Variants in ACTN1 observed in about 807,000 individuals in gnomAD.
ACTN1 encodes the protein actinin alpha 1.
In ACTN1, 30 loss-of-function variants were observed where a neutral mutation model predicts 119.6. The ratio of observed to expected loss-of-function variants is 0.25; its 90% CI spans 0.19 to 0.34. The LOEUF (loss-of-function observed/expected upper bound fraction) is 0.34, where lower values mean the gene tolerates loss of function less well. ACTN1 is among the 10% of genes least tolerant of loss of function. The pLI is 1.00. For missense variants in ACTN1, 764 were observed against 1,223.4 expected (o/e 0.62, Z 5.60); for synonymous variants, 429 against 472.6 (o/e 0.91, Z 1.20).
In ACTN1 at chr14:68,909,238, A is replaced by G. The variant is rs2033846592; in HGVS notation, c.594+80T>C. On this transcript the variant is annotated intron_variant, in intron 6 of 21. Transcript: ENST00000394419. This position sits in a 1 kb window ranked among gnomAD's most constrained non-coding sequence, Gnocchi z 4.1. Reference sequence around the variant, plus strand: ...TGCTCAGGCTGGACCATGGACTGTCACAACAAGGGTCCTAGTCCTGCTCTT... The same window carrying G: ...TGCTCAGGCTGGACCATGGACTGTCGCAACAAGGGTCCTAGTCCTGCTCTT... The G allele has an allele frequency of 5.0e-6, 7 of 1,397,142 alleles. No individual in the cohort carries two copies. The Admixed American group carries it at 1.2e-4, about 24-fold the overall frequency. 86.5% of individuals were successfully genotyped at this position (1,397,142 alleles called of 1,614,324 possible).
At chr14:68,891,970 A>C in intron 10 of ACTN1, 83 bp downstream of exon 10, 6 of 1,531,708 alleles carry the variant, frequency 3.9e-6, no homozygotes, top group Non-Finnish European at 5.3e-6. Context: ...CACCCCCATA[A>C]AGCTGAATTT....
chr14:68,933,448 T>A (rs755271179), intron 1 of ACTN1, among the ~76,000 whole-genome samples: 3 of 152,020 alleles, frequency 2.0e-5, no homozygotes, highest in Non-Finnish European at 2.9e-5. Flanking sequence ...CTCCCTGTAT[T>A]CTTATGCATT....
At chr14:68,933,669 C>T (rs1049162484) in intron 1 of ACTN1, among the ~76,000 whole-genome samples, 1 of 152,074 alleles carries the variant, frequency 6.6e-6, no homozygotes. Flanking sequence ...TGCCACACCT[C>T]CAATGAAGAA....
At chr14:68,929,022 TG>T (rs1345842943) in intron 1 of ACTN1, among the ~76,000 whole-genome samples, 1 of 151,556 alleles carries the variant, frequency 6.6e-6, no homozygotes, top group Non-Finnish European at 1.5e-5. Context: ...GGGAGAGGGC[TG>T]GAACTGTGGC....
intron 12 of ACTN1, 47 bp from the exon 13 acceptor site, chr14:68,884,930 A>C (rs2031866114): frequency 2.9e-4 from 419 of 1,453,362 alleles, no homozygotes; most frequent in Non-Finnish European, 3.7e-4. Context: ...GGTTAATTTC[A>C]TGGCCCATCT....
Position 68,879,955 on chromosome 14 carries a change from C to T in ACTN1, c.2280+7G>A. The T allele has an allele frequency of 6.2e-7, 1 of 1,613,908 alleles. No individual in the cohort carries two copies. Among genetic ancestry groups the T allele is most frequent in the Middle Eastern group, 1.7e-4 (1 of 6,060 alleles). On this transcript the variant is annotated splice_region_variant and intron_variant, in intron 18 of 21. Transcript: ENST00000394419. This position sits in a 1 kb window ranked among gnomAD's most constrained non-coding sequence, Gnocchi z 4.9. ...TGCACTAAGAAAGCACAGGATGGGG[C>T]TCTCACCCGGTCAAAGTGGTTGAAG...
At chr14:68,929,123 C>G (rs186091518) in intron 1 of ACTN1, among the ~76,000 whole-genome samples, 19 of 135,594 alleles carry the variant, frequency 1.4e-4, no homozygotes, top group Admixed American at 7.8e-4. Flanking sequence ...GGAACAGTGG[C>G]GTGGGTGCAG....
chr14:68,965,099 A>C (rs2036663209), intron 1 of ACTN1, among the ~76,000 whole-genome samples: 1 of 152,246 alleles, frequency 6.6e-6, no homozygotes. Context: ...ATAACTTCAG[A>C]AGATGGCTTA....
intron 1 of ACTN1, among the ~76,000 whole-genome samples, chr14:68,959,961 A>T (rs1404908935): frequency 2.6e-5 from 4 of 152,228 alleles, no homozygotes; most frequent in Non-Finnish European, 5.9e-5. Context: ...ATCGACATCC[A>T]TGTTGTATGT....
intron 1 of ACTN1, chr14:68,977,278 TACTC>T (rs1377327270): frequency 2.0e-5 from 3 of 152,278 alleles, no homozygotes; most frequent in Non-Finnish European, 4.4e-5. Flanking sequence ...ATCTCCAAAT[TACTC>T]ACTCACTTTT....
intron 2 of ACTN1, among the ~76,000 whole-genome samples, chr14:68,922,916 C>T (rs1360199813): frequency 2.0e-5 from 3 of 152,326 alleles, no homozygotes; most frequent in African/African-American, 7.2e-5. Context: ...TCCTTCTCCT[C>T]ATCCTGGGGC....
rs59595902 is a variant in ACTN1 at position 68,891,909 on chromosome 14, G to A, written c.1086+144C>T. The A allele has an allele frequency of 0.014, 14,953 of 1,100,474 alleles. 1,384 individuals are homozygous for A. In the African/African-American group the frequency reaches 0.2, roughly 15 times the overall value. The allele number at this position is 1,100,474 out of a possible 1,614,324, so 68.2% of individuals were successfully genotyped here. A position where few individuals can be genotyped will look rare whatever the true frequency, so the allele number is the denominator to read the frequency against. ...GAGCCTGGGTGGTAACTGGAAGGGG[G>A]AAGTGACTTCTGGAGCAGTGTATGT... On this transcript the variant is annotated intron_variant, in intron 10 of 21. Transcript: ENST00000394419.
At chr14:68,968,361 C>T (rs183602632) in intron 1 of ACTN1, among the ~76,000 whole-genome samples, 44 of 152,354 alleles carry the variant, frequency 2.9e-4, no homozygotes, top group South Asian at 2.7e-3. Context: ...TCAGCAGTCT[C>T]AGCCACAAAA....
chr14:68,922,581 A>G (rs1049736338), intron 2 of ACTN1, among the ~76,000 whole-genome samples: 1 of 152,232 alleles, frequency 6.6e-6, no homozygotes, highest in African/African-American at 2.4e-5. Flanking sequence ...AGCTAAGCGG[A>G]GTGCCCCAGC....
intron 1 of ACTN1, among the ~76,000 whole-genome samples, chr14:68,959,572 CA>C (rs1414164001): frequency 6.6e-6 from 1 of 152,152 alleles, no homozygotes; most frequent in Non-Finnish European, 1.5e-5. Context: ...GGTTGACTTA[CA>C]AAAACTAACC....
Position 68,890,253 on chromosome 14 carries a change from C to T in ACTN1, c.1120G>A (p.Val374Met). 6.2e-7 allele frequency: 1 copy of T among 1,614,240 alleles called. No homozygotes were observed. Among genetic ancestry groups the T allele is most frequent in the East Asian group, 2.2e-5 (1 of 44,886 alleles). The change falls in exon 11 of 22, where the codon GTG becomes ATG. Residue 374 changes from valine to methionine, a missense_variant. By Grantham distance (21) the Val-to-Met change is conservative (BLOSUM62 1). Transcript: ENST00000394419. Reference sequence around the variant, plus strand: ...AACCACTCCTCATAGCCCTTCTCCACCTGCTCCAGGCAGCCCCAGGCATTG... The same window carrying T: ...AACCACTCCTCATAGCCCTTCTCCATCTGCTCCAGGCAGCCCCAGGCATTG... ...INNAWGCLEQ[V>M]EKGYEEWLLN...
chr14:68,960,293 G>A (rs112298366), intron 1 of ACTN1, among the ~76,000 whole-genome samples: 10 of 152,154 alleles, frequency 6.6e-5, no homozygotes, highest in South Asian at 2.1e-4. Flanking sequence ...TTCAAGGGTC[G>A]GTTGTATATT....
chr14:68,893,855 TGGAA>T (rs1429184433), intron 8 of ACTN1, 108 bp from the exon 9 acceptor site: 1 of 1,023,838 alleles, frequency 9.8e-7, no homozygotes, highest in Non-Finnish European at 1.4e-6. Flanking sequence ...TCCCTGTGGT[TGGAA>T]GGGAGTTAAG....
At position 68,892,217 on chromosome 14, in the gene ACTN1, C is replaced by CATGCATGGT; in HGVS notation, c.913_921dup (p.Thr305_His307dup). 1 of 1,614,198 alleles carries CATGCATGGT rather than the reference C, an allele frequency of 6.2e-7. No individual in the cohort carries two copies. Among genetic ancestry groups the CATGCATGGT allele is most frequent in the Non-Finnish European group, 8.5e-7 (1 of 1,180,038 alleles). On this transcript the variant is annotated inframe_insertion, in exon 10 of 22. Coordinates refer to ENST00000394419, the MANE Select transcript of ACTN1 (RefSeq NM_001130004.2). Reference sequence around the variant, plus strand: ...AAGTCCTCCAGCTTCTGTTGCATGGCATGCATGGTGTTCTCGGGCACCCGG... The same window carrying CATGCATGGT: ...AAGTCCTCCAGCTTCTGTTGCATGGCATGCATGGTATGCATGGTGTTCTCGGGCACCCGG...
Sources: allele counts gnomAD v4.1 joint callset (sites outside exome capture counted in the v4.1 genomes callset), GRCh38; gene constraint gnomAD v4.1.1; non-coding constraint Gnocchi (gnomAD v3.1); transcripts MANE v1.5; gene names NCBI Gene and HGNC (gene_info 2026-07-23, HGNC 2026-07-21).